PDZRN3: variants seen among roughly 807,000 people sequenced by gnomAD.
PDZRN3 encodes PDZ domain containing ring finger 3, also known as E3 ubiquitin-protein ligase PDZRN3.
PDZRN3 carries 38 observed loss-of-function variants against 85.7 expected under a neutral mutation model. That is an observed-to-expected ratio of 0.44 (90% CI 0.34 to 0.58). The LOEUF is 0.58. Ranked by LOEUF, PDZRN3 falls within the 20% of genes least tolerant of loss-of-function variation. PDZRN3 has a pLI of 0.01. For missense variants in PDZRN3, 1,629 were observed against 1,506.4 expected (o/e 1.08, Z -1.35); for synonymous variants, 759 against 638.0 (o/e 1.19, Z -2.86).
chr3:73,425,557 T>C (rs1702296709), intron 3 of PDZRN3, among the ~76,000 whole-genome samples: 1 of 150,782 alleles, frequency 6.6e-6, no homozygotes. Flanking sequence ...CCTTTACCAG[T>C]CTGTCACCTT....
chr3:73,557,406 T>C (rs1392082673), intron 3 of PDZRN3, among the ~76,000 whole-genome samples: 1 of 152,356 alleles, frequency 6.6e-6, no homozygotes, highest in East Asian at 1.9e-4. Flanking sequence ...TAGTTTTAAG[T>C]TGGATTTCTG....
At chr3:73,426,150 T>TA (rs779975417) in intron 3 of PDZRN3, among the ~76,000 whole-genome samples, 72 of 152,074 alleles carry the variant, frequency 4.7e-4, no homozygotes, top group Non-Finnish European at 9.0e-4. Context: ...AGAGAAAGAA[T>TA]ATGGTGAGAT....
chr3:73,564,234 T>C (rs1262075721), intron 3 of PDZRN3, among the ~76,000 whole-genome samples: 1 of 152,234 alleles, frequency 6.6e-6, no homozygotes, highest in Non-Finnish European at 1.5e-5. Flanking sequence ...GAAAAATGTG[T>C]CTGATAATCC....
chr3:73,483,577 T>C (rs1703608072), intron 3 of PDZRN3, among the ~76,000 whole-genome samples: 1 of 152,236 alleles, frequency 6.6e-6, no homozygotes, highest in Non-Finnish European at 1.5e-5. Flanking sequence ...TATATACTTA[T>C]TTTTTAAGTG....
chr3:73,622,662 G>C (rs1479683934), intron 1 of PDZRN3, among the ~76,000 whole-genome samples: 1 of 152,174 alleles, frequency 6.6e-6, no homozygotes, highest in Non-Finnish European at 1.5e-5. Flanking sequence ...CCAACTAAGA[G>C]TTATGGGGCC....
chr3:73,545,719 C>T (rs887835791), intron 3 of PDZRN3, among the ~76,000 whole-genome samples: 2 of 152,154 alleles, frequency 1.3e-5, no homozygotes, highest in Non-Finnish European at 2.9e-5. Context: ...CAATAAAAAT[C>T]GCTGGATCTT....
chr3:73,549,971 C>T lies in PDZRN3; in HGVS notation c.918+52383G>A, dbSNP rs78738770. Among the ~76,000 whole-genome samples the T allele has an allele frequency of 1.2e-4, 18 of 152,288 alleles. No individual in the cohort carries two copies. The East Asian group carries it at 3.5e-3, about 29-fold the overall frequency. On this transcript the variant is annotated intron_variant, in intron 3 of 9. Coordinates refer to ENST00000263666, the MANE Select transcript of PDZRN3 (RefSeq NM_015009.3). ...ATCCATGTCCTTTCAGATCCTGGGC[C>T]CTGGCTGCCTGTTAGTGCAGATGCT... is the stretch of plus-strand genomic sequence containing the variant.
rs547865269 is a variant in PDZRN3, at chr3:73,452,109, G to A, written c.919-47714C>T. ...GCTGGTTAGACGATGGATATAGCTCGGGCCACAGCAATAAGTCTGATTCCC... is the reference window on the plus strand; with the variant it reads ...GCTGGTTAGACGATGGATATAGCTCAGGCCACAGCAATAAGTCTGATTCCC... On this transcript the variant is annotated intron_variant, in intron 3 of 9. Transcript: ENST00000263666. Among the ~76,000 whole-genome samples the A allele has an allele frequency of 3.9e-5, 6 of 152,224 alleles. No individual in the cohort carries two copies. In the South Asian group the frequency reaches 6.2e-4, roughly 16 times the overall value.
At chr3:73,421,165 C>T (rs1365662920) in intron 3 of PDZRN3, among the ~76,000 whole-genome samples, 1 of 152,134 alleles carries the variant, frequency 6.6e-6, no homozygotes, top group Non-Finnish European at 1.5e-5. Context: ...TGACTATATG[C>T]CCACATAAAG....
chr3:73,530,121 T>C (rs546461293), intron 3 of PDZRN3, among the ~76,000 whole-genome samples: 3 of 152,278 alleles, frequency 2.0e-5, no homozygotes, highest in East Asian at 3.9e-4. Flanking sequence ...AGAACAAAAA[T>C]TCCCATCGCA....
intron 3 of PDZRN3, among the ~76,000 whole-genome samples, chr3:73,525,717 C>A (rs1704507038): frequency 6.6e-6 from 1 of 152,180 alleles, no homozygotes; most frequent in South Asian, 2.1e-4. Context: ...ACATGGTGGT[C>A]CCCCTGCCAA....
chr3:73,621,502 A>G (rs1702860658), intron 1 of PDZRN3, among the ~76,000 whole-genome samples: 1 of 152,216 alleles, frequency 6.6e-6, no homozygotes, highest in African/African-American at 2.4e-5. Flanking sequence ...AGGAGCAGAG[A>G]GCCGGCCCAA....
intron 3 of PDZRN3, among the ~76,000 whole-genome samples, chr3:73,496,919 T>G (rs2106674567): frequency 6.6e-6 from 1 of 152,320 alleles, no homozygotes. Flanking sequence ...TATTTGGCCT[T>G]GTCTTCAGCA....
chr3:73,567,009 G>C lies in PDZRN3; in HGVS notation c.918+35345C>G, dbSNP rs148852591. Among the ~76,000 whole-genome samples the C allele has an allele frequency of 4.8e-3, 731 of 152,262 alleles. 4 individuals carry two copies. The highest frequency in any genetic ancestry group is 6.3e-3 in the Non-Finnish European group (428 of 67,998). On this transcript the variant is annotated intron_variant, in intron 3 of 9. Transcript: ENST00000263666. ...TAAAATAATATGTGTAAGCTATTTG[G>C]ATTTGAAATCTCTATTACTTGTAGC...
intron 1 of PDZRN3, among the ~76,000 whole-genome samples, chr3:73,617,706 T>A (rs1702785275): frequency 6.6e-6 from 1 of 151,878 alleles, no homozygotes; most frequent in South Asian, 2.1e-4. Context: ...TTTGTCTAAA[T>A]CTATTTTTTT....
chr3:73,566,834 C>T (rs1035207759), intron 3 of PDZRN3, among the ~76,000 whole-genome samples: 5 of 152,104 alleles, frequency 3.3e-5, no homozygotes, highest in African/African-American at 1.2e-4. Context: ...ACTGTCATGC[C>T]GAGATGCAAT....
chr3:73,545,883 T>C (rs960076786), intron 3 of PDZRN3, among the ~76,000 whole-genome samples: 3 of 151,786 alleles, frequency 2.0e-5, no homozygotes, highest in Non-Finnish European at 2.9e-5. Flanking sequence ...GGAGGAGGGG[T>C]TGGTGGGAGG....
intron 3 of PDZRN3, among the ~76,000 whole-genome samples, chr3:73,531,950 A>G (rs1704667036): frequency 6.6e-6 from 1 of 152,202 alleles, no homozygotes; most frequent in South Asian, 2.1e-4. Context: ...AATAATGCCA[A>G]AACTCCAGAC....
At chr3:73,481,380 G>T (rs1703557597) in intron 3 of PDZRN3, among the ~76,000 whole-genome samples, 1 of 152,208 alleles carries the variant, frequency 6.6e-6, no homozygotes, top group Non-Finnish European at 1.5e-5. Context: ...TTTCACTCTT[G>T]TTGCCCAGGC....
Sources: gnomAD v4.1 joint callset for allele counts (sites outside exome capture counted in the v4.1 genomes callset) on GRCh38, gnomAD v4.1.1 for gene constraint, MANE v1.5 for transcripts, NCBI Gene and HGNC (gene_info 2026-07-23, HGNC 2026-07-21) for gene names.